The following CSMD1 variants were observed in gnomAD, a reference collection of about 807,000 sequenced individuals.
CSMD1 encodes CUB and sushi domain-containing protein 1.
Under a neutral mutation model 417.5 loss-of-function variants are expected in CSMD1, and 213 were observed. That is an observed-to-expected ratio of 0.51 (90% CI 0.46 to 0.57). The LOEUF is 0.57. CSMD1 is among the 20% of genes least tolerant of loss of function. The pLI, the probability that CSMD1 is intolerant of heterozygous loss-of-function variation, is 0.00. For missense variants in CSMD1, 6,923 were observed against 4,529.7 expected, an observed-to-expected ratio of 1.53 and a Z score of -15.17; for synonymous variants, 2,862 against 1,736.8, an observed-to-expected ratio of 1.65 and a Z score of -16.11.
At chr8:4,939,453 G>C (rs990632013) in intron 1 of CSMD1, among the ~76,000 whole-genome samples, 6 of 152,184 alleles carry the variant, frequency 3.9e-5, no homozygotes, top group African/African-American at 4.8e-5. Context: ...ACCTAATGGA[G>C]TACTATTCAG....
chr8:4,018,064 T>TG (rs143500762), intron 4 of CSMD1, among the ~76,000 whole-genome samples: 25,524 of 152,096 alleles, frequency 0.17, 2,725 homozygotes, highest in African/African-American at 0.3. Flanking sequence ...TGGGTATGTA[T>TG]GCTTGCAAAA....
intron 2 of CSMD1, among the ~76,000 whole-genome samples, chr8:4,526,245 G>T (rs118114666): frequency 6.6e-6 from 1 of 152,274 alleles, no homozygotes; most frequent in East Asian, 1.9e-4. Context: ...CTAGACAAGA[G>T]ATTCCCATTA....
intron 3 of CSMD1, among the ~76,000 whole-genome samples, chr8:4,140,737 A>T (rs1008377753): frequency 1.3e-5 from 2 of 150,630 alleles, no homozygotes; most frequent in African/African-American, 5.0e-5. Context: ...AGTCTTCCCC[A>T]CTCTAAGTAT....
At chr8:3,372,058 T>A (rs948458235) in intron 18 of CSMD1, among the ~76,000 whole-genome samples, 7 of 152,064 alleles carry the variant, frequency 4.6e-5, no homozygotes, top group African/African-American at 1.4e-4. Flanking sequence ...TGTAACAACA[T>A]AAAAGGCAGA....
chr8:4,456,656 T>A (rs1435186225), intron 2 of CSMD1, among the ~76,000 whole-genome samples: 1 of 152,082 alleles, frequency 6.6e-6, no homozygotes, highest in African/African-American at 2.4e-5. Context: ...AGAGAGACCC[T>A]CCAACCAATC....
At chr8:3,426,378 C>A (rs539610888) in intron 12 of CSMD1, among the ~76,000 whole-genome samples, 4 of 152,182 alleles carry the variant, frequency 2.6e-5, no homozygotes, top group Non-Finnish European at 5.9e-5. Flanking sequence ...CTTGGAACTC[C>A]CCTTTTGGAT....
chr8:3,330,656 G>C (rs1806833547), intron 23 of CSMD1, among the ~76,000 whole-genome samples: 1 of 152,156 alleles, frequency 6.6e-6, no homozygotes, highest in African/African-American at 2.4e-5. Flanking sequence ...ACTAGGCTTA[G>C]TGCCTGGGTG....
chr8:4,512,402 C>G (rs762835949), intron 2 of CSMD1, among the ~76,000 whole-genome samples: 9 of 152,130 alleles, frequency 5.9e-5, no homozygotes, highest in African/African-American at 1.9e-4. Flanking sequence ...CCCCTTTCAC[C>G]ACTGATTTCC....
chr8:3,676,891 A>AC (rs1182033066), intron 7 of CSMD1, among the ~76,000 whole-genome samples: 31 of 152,236 alleles, frequency 2.0e-4, no homozygotes, highest in Non-Finnish European at 4.1e-4. Context: ...TTCTCAGCAA[A>AC]TTAACACAAG....
At chr8:3,834,104 T>C (rs943004064) in intron 5 of CSMD1, among the ~76,000 whole-genome samples, 9 of 152,326 alleles carry the variant, frequency 5.9e-5, no homozygotes, top group Middle Eastern at 6.8e-3. Flanking sequence ...TAAAATTGTT[T>C]TTGTTTTCCT....
At chr8:4,634,336 C>G (rs1041647332) in intron 2 of CSMD1, among the ~76,000 whole-genome samples, 1 of 152,002 alleles carries the variant, frequency 6.6e-6, no homozygotes, top group African/African-American at 2.4e-5. Context: ...AGTATATATT[C>G]TGTTTTGTCA....
At chr8:4,812,159 C>T (rs1305678943) in intron 1 of CSMD1, among the ~76,000 whole-genome samples, 1 of 152,188 alleles carries the variant, frequency 6.6e-6, no homozygotes, top group African/African-American at 2.4e-5. Context: ...AGCTCACTGG[C>T]TGCTTCGTGT....
intron 3 of CSMD1, among the ~76,000 whole-genome samples, chr8:4,178,032 A>G (rs888133239): frequency 6.6e-6 from 1 of 152,180 alleles, no homozygotes; most frequent in African/African-American, 2.4e-5. Context: ...TCCTTCTGAA[A>G]CTATTCCAAT....
At chr8:4,945,054 A>T (rs1359350331) in intron 1 of CSMD1, among the ~76,000 whole-genome samples, 1 of 152,092 alleles carries the variant, frequency 6.6e-6, no homozygotes, top group Non-Finnish European at 1.5e-5. Flanking sequence ...TTCACACGAA[A>T]ATTATTTATC....
chr8:3,256,880 C>T (rs898767755), intron 26 of CSMD1, among the ~76,000 whole-genome samples: 11 of 152,106 alleles, frequency 7.2e-5, no homozygotes, highest in Non-Finnish European at 8.8e-5. Flanking sequence ...GATTTTTCAA[C>T]TCTTAGCCAA....
chr8:2,983,219 C>T (rs1466609905), intron 54 of CSMD1, among the ~76,000 whole-genome samples: 3 of 151,912 alleles, frequency 2.0e-5, no homozygotes, highest in African/African-American at 7.3e-5. Flanking sequence ...TGGAGTCTTG[C>T]TCTGTCTCCC....
intron 5 of CSMD1, among the ~76,000 whole-genome samples, chr8:3,801,891 T>C (rs1418716486): frequency 1.3e-5 from 2 of 152,084 alleles, no homozygotes; most frequent in African/African-American, 4.8e-5. Context: ...TATTATGAGA[T>C]CTCATATAAT....
chr8:3,774,265 T>G (rs781375056), intron 5 of CSMD1, among the ~76,000 whole-genome samples: 6 of 152,154 alleles, frequency 3.9e-5, no homozygotes, highest in Admixed American at 6.5e-5. Flanking sequence ...TCTTACAGAT[T>G]GCTGCAATCA....
chr8:4,905,663 C>CAA (rs567311205), intron 1 of CSMD1, among the ~76,000 whole-genome samples: 1 of 151,256 alleles, frequency 6.6e-6, no homozygotes, highest in Non-Finnish European at 1.5e-5. Context: ...ACTAAAACTA[C>CAA]AAAAAAATTA....
Sources: gnomAD v4.1 joint callset for allele counts (sites outside exome capture counted in the v4.1 genomes callset) on GRCh38, gnomAD v4.1.1 for gene constraint, MANE v1.5 for transcripts, NCBI Gene and HGNC (gene_info 2026-07-23, HGNC 2026-07-21) for gene names.